The following NTM variants were observed in gnomAD, a reference collection of about 807,000 sequenced individuals.
NTM encodes neurotrimin, also known as IgLON family member 2.
Under a neutral mutation model 42.1 loss-of-function variants are expected in NTM, and 13 were observed. The ratio of observed to expected loss-of-function variants is 0.31; its 90% CI spans 0.20 to 0.49. NTM has a LOEUF of 0.49. NTM is among the 20% of genes least tolerant of loss of function. NTM has a pLI of 0.99. For missense variants in NTM, 373 were observed against 452.8 expected (o/e 0.82, Z 1.60); for synonymous variants, 187 against 179.2 (o/e 1.04, Z -0.35).
chr11:131,881,477 TACAC>T (rs34722610), intron 1 of NTM, among the ~76,000 whole-genome samples: 3,263 of 104,676 alleles, frequency 0.031, 42 homozygotes, highest in Non-Finnish European at 0.051. Context: ...AGCTCTCAGT[TACAC>T]ACACACACAC....
chr11:131,571,963 G>A (rs1010213875), intron 1 of NTM, among the ~76,000 whole-genome samples: 6 of 152,188 alleles, frequency 3.9e-5, no homozygotes, highest in East Asian at 1.9e-4. Flanking sequence ...TGGGCTAGGC[G>A]AACAATTTGA....
At chr11:132,023,781 T>TGG (rs1565969308) in intron 2 of NTM, among the ~76,000 whole-genome samples, 10 of 135,090 alleles carry the variant, frequency 7.4e-5, no homozygotes, top group African/African-American at 2.6e-4. Context: ...TTTGTTGTTG[T>TGG]TGGTGGTTTT....
intron 2 of NTM, among the ~76,000 whole-genome samples, chr11:132,102,988 G>T (rs182483876): frequency 1.3e-5 from 2 of 152,206 alleles, no homozygotes; most frequent in Non-Finnish European, 2.9e-5. Flanking sequence ...GACTGGAAAG[G>T]CCACAGGTTC....
chr11:131,668,250 C>CTA lies in NTM; in HGVS notation c.83-243313_83-243312insAT, dbSNP rs2069440364. Among the ~76,000 whole-genome samples, 2 of 147,682 alleles carry CTA rather than the reference C, an allele frequency of 1.4e-5. 1 individual carries two copies. The highest frequency in any genetic ancestry group is 4.4e-4 in the South Asian group (2 of 4,562). On this transcript the variant is annotated intron_variant, in intron 1 of 8. Coordinates refer to ENST00000683400, the MANE Select transcript of NTM (RefSeq NM_001352005.2). Reference sequence around the variant, plus strand: ...CATATATGTGTGCATGTATATCTACCTCTATCTATCTATCTATCTATCTAT... The same window carrying CTA: ...CATATATGTGTGCATGTATATCTACCTATCTATCTATCTATCTATCTATCTAT...
intron 2 of NTM, among the ~76,000 whole-genome samples, chr11:132,136,190 C>CT (rs1566264855): frequency 6.6e-6 from 1 of 152,154 alleles, no homozygotes; most frequent in African/African-American, 2.4e-5. Context: ...TCCTGCTCTC[C>CT]TGTCCCACCT....
intron 1 of NTM, among the ~76,000 whole-genome samples, chr11:131,477,879 G>A (rs917777149): frequency 4.0e-5 from 6 of 150,306 alleles, no homozygotes; most frequent in African/African-American, 9.8e-5. Flanking sequence ...TACCTACAAC[G>A]TTTAGCAGGC....
intron 1 of NTM, among the ~76,000 whole-genome samples, chr11:131,596,167 C>T (rs528218012): frequency 6.6e-6 from 1 of 152,300 alleles, no homozygotes; most frequent in East Asian, 1.9e-4. Flanking sequence ...GTGCTGTTGA[C>T]CTGACTTTTC....
intron 2 of NTM, among the ~76,000 whole-genome samples, chr11:131,924,271 G>C (rs2057641980): frequency 6.6e-6 from 1 of 152,194 alleles, no homozygotes; most frequent in African/African-American, 2.4e-5. Flanking sequence ...TCGGGGCCAA[G>C]GTGACCTGGC....
chr11:132,316,971 A>C (rs2095445233), intron 7 of NTM, among the ~76,000 whole-genome samples: 2 of 152,250 alleles, frequency 1.3e-5, no homozygotes, highest in African/African-American at 4.8e-5. Flanking sequence ...TGATGAAGTT[A>C]GAAAGGCAGC....
intron 4 of NTM, among the ~76,000 whole-genome samples, chr11:132,234,687 G>A (rs1043000400): frequency 1.3e-4 from 20 of 152,122 alleles, no homozygotes; most frequent in African/African-American, 4.3e-4. Flanking sequence ...AAGAGAAAGG[G>A]ACCACTTTGT....
At chr11:131,642,373 A>G (rs1214747859) in intron 1 of NTM, among the ~76,000 whole-genome samples, 1 of 152,210 alleles carries the variant, frequency 6.6e-6, no homozygotes, top group East Asian at 1.9e-4. Flanking sequence ...CAAAAGAATA[A>G]CAATTTGGGG....
At chr11:132,023,631 A>T (rs117084332) in intron 2 of NTM, among the ~76,000 whole-genome samples, 7,524 of 152,234 alleles carry the variant, frequency 0.049, 258 homozygotes, top group Non-Finnish European at 0.073. Context: ...AGGATTATTC[A>T]GGGTTCTTCT....
At chr11:131,789,639 G>GA (rs2090495471) in intron 1 of NTM, among the ~76,000 whole-genome samples, 2 of 109,682 alleles carry the variant, frequency 1.8e-5, no homozygotes, top group African/African-American at 7.4e-5. Context: ...AAGAAGAAAA[G>GA]AAGAAGAAGA....
intron 2 of NTM, among the ~76,000 whole-genome samples, chr11:132,058,339 T>C (rs1199037161): frequency 6.6e-6 from 1 of 152,226 alleles, no homozygotes; most frequent in Non-Finnish European, 1.5e-5. Flanking sequence ...GCTCTGGTCC[T>C]GGCTGTGGTG....
At chr11:132,249,989 G>T (rs1246239157) in intron 4 of NTM, among the ~76,000 whole-genome samples, 3 of 152,034 alleles carry the variant, frequency 2.0e-5, no homozygotes, top group Non-Finnish European at 2.9e-5. Context: ...ATTTCTTCCT[G>T]CATCTTAGAC....
At chr11:131,505,713 G>A (rs1040665865) in intron 1 of NTM, among the ~76,000 whole-genome samples, 6 of 152,138 alleles carry the variant, frequency 3.9e-5, no homozygotes, top group African/African-American at 1.2e-4. Flanking sequence ...GAAAGGACAC[G>A]GTGGCCACTC....
intron 2 of NTM, among the ~76,000 whole-genome samples, chr11:132,082,476 C>T (rs1309509533): frequency 6.6e-6 from 1 of 152,168 alleles, no homozygotes; most frequent in South Asian, 2.1e-4. Flanking sequence ...TCAATGCGTA[C>T]TCCATATTGA....
chr11:132,030,662 C>A (rs561173997), intron 2 of NTM, among the ~76,000 whole-genome samples: 1 of 152,072 alleles, frequency 6.6e-6, no homozygotes, highest in Non-Finnish European at 1.5e-5. Context: ...AAGAGGGAAC[C>A]TCATATGCCA....
At chr11:131,915,191 C>T (rs1309022499) in intron 2 of NTM, among the ~76,000 whole-genome samples, 2 of 152,166 alleles carry the variant, frequency 1.3e-5, no homozygotes, top group Non-Finnish European at 2.9e-5. Context: ...ACATAAGCAG[C>T]CAGTGGCAGA....
Sources: allele counts gnomAD v4.1 joint callset (sites outside exome capture counted in the v4.1 genomes callset), GRCh38; gene constraint gnomAD v4.1.1; transcripts MANE v1.5; gene names NCBI Gene and HGNC (gene_info 2026-07-23, HGNC 2026-07-21).